NTNG1: variants seen among roughly 807,000 people sequenced by gnomAD.
NTNG1 encodes the protein netrin G1.
A neutral mutation model predicts 54.0 loss-of-function variants in NTNG1; 16 were observed. The observed-to-expected ratio is 0.30, with a 90% CI of 0.20 to 0.45. NTNG1 has a LOEUF of 0.45. Ranked by LOEUF, NTNG1 falls within the 20% of genes least tolerant of loss-of-function variation. The probability of loss-of-function intolerance (pLI) is 1.00; values close to 1 mark genes in which losing one functional copy is unlikely to be tolerated. For missense variants in NTNG1, 530 were observed against 678.7 expected, an observed-to-expected ratio of 0.78 and a Z score of 2.43; for synonymous variants, 255 against 263.1, an observed-to-expected ratio of 0.97 and a Z score of 0.30.
At position 107,481,297 on chromosome 1, in the gene NTNG1, A is replaced by G. The variant is rs188043199; in HGVS notation, c.*457A>G. Reference sequence around the variant, plus strand: ...AAGGAAATCTGTTACAAGCTGCCATATTGGCCTGCTTCCGTCCCTGAATCC... The same window carrying G: ...AAGGAAATCTGTTACAAGCTGCCATGTTGGCCTGCTTCCGTCCCTGAATCC... On this transcript the variant is annotated 3_prime_UTR_variant, in exon 8 of 8. Transcript: ENST00000370068. 1 of 162,426 alleles carries G rather than the reference A, an allele frequency of 6.2e-6. No individual in the cohort carries two copies. Among genetic ancestry groups the G allele is most frequent in the African/African-American group, 2.4e-5 (1 of 42,054 alleles). The allele number at this position is 162,426 out of a possible 1,614,324, so 10.1% of individuals were successfully genotyped here.
Position 107,395,339 on chromosome 1 carries a change from G to A in NTNG1, c.1060+13G>A. On this transcript the variant is annotated intron_variant, in intron 4 of 7. Transcript: ENST00000370068. ...ACTGCAAATACCTGTGAGTAACTTT[G>A]CTTGGTAACAGCATATTCTGTGCAC... 6.2e-7 allele frequency: 1 copy of A among 1,610,748 alleles called. No individual in the cohort carries two copies. The highest frequency in any genetic ancestry group is 1.7e-4 in the Middle Eastern group (1 of 6,034).
At chr1:107,151,700 C>T (rs996091997) in intron 2 of NTNG1, among the ~76,000 whole-genome samples, 6 of 151,988 alleles carry the variant, frequency 3.9e-5, no homozygotes, top group East Asian at 1.9e-4. Flanking sequence ...ATTAAGAGTC[C>T]GTGTTGCTGC....
intron 3 of NTNG1, among the ~76,000 whole-genome samples, chr1:107,335,070 T>G (rs1668501144): frequency 1.3e-5 from 2 of 152,120 alleles, no homozygotes; most frequent in South Asian, 4.1e-4. Context: ...GAGTAAGCTA[T>G]GTACTTGGGT....
intron 3 of NTNG1, among the ~76,000 whole-genome samples, chr1:107,370,363 T>C (rs1285363720): frequency 6.6e-6 from 1 of 151,934 alleles, no homozygotes; most frequent in Non-Finnish European, 1.5e-5. Flanking sequence ...TTTTTCAATT[T>C]TTGTCTCCAT....
chr1:107,476,164 G>A (rs1044080941), intron 7 of NTNG1, among the ~76,000 whole-genome samples: 3 of 152,068 alleles, frequency 2.0e-5, no homozygotes, highest in African/African-American at 7.2e-5. Flanking sequence ...AGACTTCTGC[G>A]GTTAATTTCA....
At position 107,224,029 on chromosome 1, in the gene NTNG1, G is replaced by A. The variant is rs138361670; in HGVS notation, c.246+75190G>A. On this transcript the variant is annotated intron_variant, in intron 2 of 7. Transcript: ENST00000370068. ...TTTTAAGATATTTTAATTAGAGCAC[G>A]AAGTCACAGATTTGATCCCCTAATG... 1.1e-4 allele frequency among the ~76,000 whole-genome samples: 16 copies of A among 152,250 alleles called. No homozygotes were observed. In the East Asian group the frequency reaches 2.7e-3, roughly 26 times the overall value.
At chr1:107,433,301 T>C (rs1029970365) in intron 6 of NTNG1, among the ~76,000 whole-genome samples, 2 of 152,178 alleles carry the variant, frequency 1.3e-5, no homozygotes, top group Admixed American at 1.3e-4. Flanking sequence ...CCCAGCACTT[T>C]AGAAGGCCCG....
chr1:107,455,926 A>G (rs1289860428), intron 7 of NTNG1, among the ~76,000 whole-genome samples: 1 of 152,212 alleles, frequency 6.6e-6, no homozygotes, highest in African/African-American at 2.4e-5. Context: ...ATAGCTCAAT[A>G]TAGTGATTGC....
chr1:107,333,396 C>T (rs1557907936), intron 3 of NTNG1, among the ~76,000 whole-genome samples: 1 of 151,994 alleles, frequency 6.6e-6, no homozygotes, highest in Non-Finnish European at 1.5e-5. Context: ...TGGTCAAAAA[C>T]ATTTTGGAAG....
chr1:107,387,585 TG>T (rs1403308287), intron 3 of NTNG1, among the ~76,000 whole-genome samples: 1 of 152,202 alleles, frequency 6.6e-6, no homozygotes, highest in African/African-American at 2.4e-5. Flanking sequence ...AGTGTTAATG[TG>T]GCTGTCTAGA....
At position 107,185,425 on chromosome 1, in the gene NTNG1, C is replaced by T. The variant is rs1657378926; in HGVS notation, c.246+36586C>T. 1.3e-5 allele frequency among the ~76,000 whole-genome samples: 2 copies of T among 151,994 alleles called. 1 individual carries two copies. The highest frequency in any genetic ancestry group is 4.1e-4 in the South Asian group (2 of 4,826). ...CCAATCTCTGCCTTCCTTATCTTTA[C>T]ACGGCCTTCTTCACTCTGTGTGTGT... On this transcript the variant is annotated intron_variant, in intron 2 of 7. Transcript: ENST00000370068.
chr1:107,474,494 G>C (rs951238985), intron 7 of NTNG1, among the ~76,000 whole-genome samples: 1 of 152,238 alleles, frequency 6.6e-6, no homozygotes, highest in African/African-American at 2.4e-5. Flanking sequence ...AACTTGTGTT[G>C]AGAAGCATTT....
chr1:107,194,551 A>G (rs1658188200), intron 2 of NTNG1, among the ~76,000 whole-genome samples: 1 of 152,048 alleles, frequency 6.6e-6, no homozygotes, highest in South Asian at 2.1e-4. Flanking sequence ...TACTGGTCAC[A>G]TATGCAAACT....
chr1:107,192,504 A>G lies in NTNG1; in HGVS notation c.246+43665A>G, dbSNP rs115221975. On this transcript the variant is annotated intron_variant, in intron 2 of 7. Transcript: ENST00000370068. ...CCCACAATCTCAACTGTTAGCCCCA[A>G]ATGCCAGTATCTGGAGATTCTTTGC... is the stretch of plus-strand genomic sequence containing the variant. 3.0e-3 allele frequency among the ~76,000 whole-genome samples: 449 copies of G among 152,098 alleles called. 2 individuals are homozygous for G. The highest frequency in any genetic ancestry group is 9.2e-3 in the African/African-American group (381 of 41,532).
chr1:107,426,173 G>A (rs1029233711), intron 5 of NTNG1, among the ~76,000 whole-genome samples: 1 of 151,970 alleles, frequency 6.6e-6, no homozygotes, highest in African/African-American at 2.4e-5. Flanking sequence ...AAGCTTTTTA[G>A]TTTAAGTCCC....
chr1:107,181,322 A>C (rs1385439888), intron 2 of NTNG1, among the ~76,000 whole-genome samples: 1 of 152,204 alleles, frequency 6.6e-6, no homozygotes, highest in Non-Finnish European at 1.5e-5. Flanking sequence ...AACTATGAGC[A>C]CACCCTTGGT....
chr1:107,384,092 CA>C (rs1165542126), intron 3 of NTNG1, among the ~76,000 whole-genome samples: 1 of 152,162 alleles, frequency 6.6e-6, no homozygotes, highest in African/African-American at 2.4e-5. Context: ...ATGAGTTTAG[CA>C]AATGGTCACG....
intron 7 of NTNG1, chr1:107,455,533 G>T: frequency 2.3e-6 from 1 of 434,532 alleles, no homozygotes; most frequent in East Asian, 7.2e-5. Flanking sequence ...GTTAGTGTGC[G>T]TAAAAAGTAA....
At chr1:107,352,459 G>A (rs1308279256) in intron 3 of NTNG1, among the ~76,000 whole-genome samples, 1 of 152,056 alleles carries the variant, frequency 6.6e-6, no homozygotes, top group East Asian at 1.9e-4. Flanking sequence ...ACTAGACAAT[G>A]CTCAAATGGG....
Sources: gnomAD v4.1 joint callset for allele counts (sites outside exome capture counted in the v4.1 genomes callset) on GRCh38, gnomAD v4.1.1 for gene constraint, MANE v1.5 for transcripts, NCBI Gene and HGNC (gene_info 2026-07-23, HGNC 2026-07-21) for gene names.